The following RNFT2 variants were observed in gnomAD, a reference collection of about 807,000 sequenced individuals.
The protein encoded by RNFT2 is E3 ubiquitin-protein ligase RNFT2.
RNFT2 carries 36 observed loss-of-function variants against 53.0 expected under a neutral mutation model. The observed-to-expected ratio is 0.68, with a 90% CI of 0.52 to 0.90. The LOEUF is 0.90. RNFT2 is among the 40% of genes least tolerant of loss of function. RNFT2 has a pLI of 0.00. For missense variants in RNFT2, 514 were observed against 585.6 expected, an observed-to-expected ratio of 0.88 and a Z score of 1.26; for synonymous variants, 260 against 253.2, an observed-to-expected ratio of 1.03 and a Z score of -0.26.
intron 7 of RNFT2, among the ~76,000 whole-genome samples, chr12:116,815,346 A>G (rs946485024): frequency 1.3e-5 from 2 of 152,146 alleles, no homozygotes; most frequent in Non-Finnish European, 2.9e-5. Context: ...AAACAACACA[A>G]CTGTATTATC....
At chr12:116,742,550 A>G (rs1871662945) in intron 3 of RNFT2, among the ~76,000 whole-genome samples, 1 of 152,108 alleles carries the variant, frequency 6.6e-6, no homozygotes, top group South Asian at 2.1e-4. Flanking sequence ...CTGGGATTAT[A>G]AGCGCAAGCC....
chr12:116,833,195 A>G (rs1876772510), intron 7 of RNFT2, among the ~76,000 whole-genome samples: 1 of 152,188 alleles, frequency 6.6e-6, no homozygotes. Context: ...CTGGGATTAC[A>G]GGCATGAGCC....
At chr12:116,799,361 C>A (rs541799542) in intron 7 of RNFT2, among the ~76,000 whole-genome samples, 1 of 152,314 alleles carries the variant, frequency 6.6e-6, no homozygotes, top group South Asian at 2.1e-4. Context: ...AGCCTGCTAA[C>A]CAACTAAAGG....
chr12:116,749,428 C>T (rs1433870169), intron 3 of RNFT2, among the ~76,000 whole-genome samples: 1 of 152,060 alleles, frequency 6.6e-6, no homozygotes. Context: ...CAGGCATGCG[C>T]CACCATGCCT....
chr12:116,788,860 AGAG>A (rs1421375644), intron 7 of RNFT2, among the ~76,000 whole-genome samples: 1 of 150,916 alleles, frequency 6.6e-6, no homozygotes, highest in African/African-American at 2.4e-5. Context: ...AAATGGGAGG[AGAG>A]TGGATGGATG....
intron 5 of RNFT2, among the ~76,000 whole-genome samples, chr12:116,759,889 C>T (rs1452954717): frequency 6.6e-6 from 1 of 152,070 alleles, no homozygotes. Flanking sequence ...GGTAGCGTGG[C>T]GAGGAACCCG....
chr12:116,830,280 A>G (rs1876571882), intron 7 of RNFT2, among the ~76,000 whole-genome samples: 1 of 151,856 alleles, frequency 6.6e-6, no homozygotes, highest in Non-Finnish European at 1.5e-5. Flanking sequence ...TTGTTTTTCA[A>G]TTTTTATTGT....
chr12:116,768,943 C>A (rs181890331), intron 6 of RNFT2, among the ~76,000 whole-genome samples: 2 of 152,034 alleles, frequency 1.3e-5, no homozygotes, highest in African/African-American at 4.8e-5. Context: ...ATTGGCCAGG[C>A]TGGTCTCAAA....
At chr12:116,759,352 T>C (rs1040977157) in intron 5 of RNFT2, among the ~76,000 whole-genome samples, 24 of 152,330 alleles carry the variant, frequency 1.6e-4, no homozygotes, top group African/African-American at 4.8e-4. Context: ...TCTGAATTCT[T>C]TTTCAGGTAA....
intron 7 of RNFT2, among the ~76,000 whole-genome samples, chr12:116,792,238 C>T (rs140455398): frequency 2.2e-4 from 33 of 152,042 alleles, no homozygotes; most frequent in African/African-American, 7.0e-4. Context: ...TTAGTAGAGA[C>T]GGGGTTTCAC....
At position 116,849,330 on chromosome 12, in the gene RNFT2, A is replaced by C; in HGVS notation, c.1217A>C (p.Glu406Ala). 6.5e-7 allele frequency: 1 copy of C among 1,541,236 alleles called. No individual in the cohort carries two copies. Among genetic ancestry groups the C allele is most frequent in the South Asian group, 1.2e-5 (1 of 84,002 alleles). The change falls in exon 11 of 11, where the codon GAG (glutamate) becomes GCG (alanine). Residue 406 changes from glutamate to alanine, a missense_variant. By Grantham distance (107) the Glu-to-Ala change is moderately radical. Coordinates refer to ENST00000257575, the MANE Select transcript of RNFT2 (RefSeq NM_001382266.1). The part of the protein sequence containing the change: ...ILLCQHVFCE[E>A]CLCLWLDRER... ...TCCCCGCAGCACGTGTTCTGTGAGG[A>C]GTGCCTCTGCCTGTGGCTGGACCGT...
intron 7 of RNFT2, among the ~76,000 whole-genome samples, chr12:116,791,590 A>G (rs1025163294): frequency 6.6e-6 from 1 of 152,194 alleles, no homozygotes; most frequent in Non-Finnish European, 1.5e-5. Flanking sequence ...AATTACAGGC[A>G]TGAGCCACCA....
At chr12:116,797,196 T>C (rs1874541230) in intron 7 of RNFT2, among the ~76,000 whole-genome samples, 1 of 152,196 alleles carries the variant, frequency 6.6e-6, no homozygotes, top group Non-Finnish European at 1.5e-5. Context: ...GACTGAACTG[T>C]GCCCCCCAAA....
intron 7 of RNFT2, among the ~76,000 whole-genome samples, chr12:116,812,825 C>T (rs147191776): frequency 0.014 from 2,136 of 151,806 alleles, 57 homozygotes; most frequent in African/African-American, 0.049. Context: ...TGAGCCACTG[C>T]GCCTGGCTAG....
chr12:116,778,515 G>A (rs1314849111), intron 6 of RNFT2, among the ~76,000 whole-genome samples: 1 of 152,182 alleles, frequency 6.6e-6, no homozygotes, highest in Admixed American at 6.5e-5. Flanking sequence ...CTAGTGCCAT[G>A]CCCTTGAACT....
At chr12:116,843,194 G>A (rs1371516317) in intron 10 of RNFT2, among the ~76,000 whole-genome samples, 2 of 152,104 alleles carry the variant, frequency 1.3e-5, no homozygotes, top group Non-Finnish European at 2.9e-5. Flanking sequence ...CCAGGGGGCA[G>A]TTAACAATCC....
chr12:116,740,481 A>G lies in RNFT2; in HGVS notation c.-17A>G. 3.8e-6 allele frequency: 6 copies of G among 1,571,242 alleles called. No individual in the cohort carries two copies. Among genetic ancestry groups the G allele is most frequent in the Non-Finnish European group, 5.2e-6 (6 of 1,156,846 alleles). The stretch of plus-strand genomic sequence containing the variant: ...AATGCCTACCTCCAGTGTCGTCAAC[A>G]TGGAGTTCTGAAGTCCATGTGGCTC... On this transcript the variant is annotated 5_prime_UTR_variant, in exon 2 of 11. The change abolishes an upstream ATG in the 5' untranslated region. Coordinates refer to ENST00000257575, the MANE Select transcript of RNFT2 (RefSeq NM_001382266.1).
Position 116,851,221 on chromosome 12 carries a change from A to T in RNFT2, c.*1773A>T, listed in dbSNP as rs552327769. On this transcript the variant is annotated 3_prime_UTR_variant, in exon 11 of 11. Transcript: ENST00000257575. ...TGGTACAGTTTCAGAACCCACATCT[A>T]AAAAAAAATAAATTTATTAGAGATG... is the stretch of plus-strand genomic sequence containing the variant. 1 of 150,346 alleles carries T rather than the reference A, an allele frequency of 6.7e-6. No individual in the cohort carries two copies. The highest frequency in any genetic ancestry group is 1.5e-5 in the Non-Finnish European group (1 of 67,682). The allele number at this position is 150,346 out of a possible 1,614,324, so 9.3% of individuals were successfully genotyped here.
chr12:116,843,297 A>G (rs1877444912), intron 10 of RNFT2, among the ~76,000 whole-genome samples: 1 of 151,958 alleles, frequency 6.6e-6, no homozygotes, highest in African/African-American at 2.4e-5. Context: ...GTTTGAGACC[A>G]GCCTGGCCAA....
Sources: allele counts gnomAD v4.1 joint callset (sites outside exome capture counted in the v4.1 genomes callset), GRCh38; gene constraint gnomAD v4.1.1; transcripts MANE v1.5; gene names NCBI Gene and HGNC (gene_info 2026-07-23, HGNC 2026-07-21).